The following MTUS2 variants were observed in gnomAD, a reference collection of about 807,000 sequenced individuals.
MTUS2 encodes the protein microtubule associated scaffold protein 2.
MTUS2 carries 40 observed loss-of-function variants against 114.1 expected under a neutral mutation model. The ratio of observed to expected loss-of-function variants is 0.35; its 90% CI spans 0.27 to 0.46. MTUS2 has a LOEUF of 0.46. Ranked by LOEUF, MTUS2 falls within the 20% of genes least tolerant of loss-of-function variation. The pLI, the probability that MTUS2 is intolerant of heterozygous loss-of-function variation, is 1.00. For synonymous variants in MTUS2, 688 were observed against 672.0 expected, an observed-to-expected ratio of 1.02 and a Z score of -0.37; for missense variants, 1,679 against 1,705.4, an observed-to-expected ratio of 0.98 and a Z score of 0.27.
intron 1 of MTUS2, among the ~76,000 whole-genome samples, chr13:28,826,232 C>G (rs530611479): frequency 1.3e-5 from 2 of 152,058 alleles, no homozygotes; most frequent in Admixed American, 1.3e-4. Flanking sequence ...ATGGTCATAT[C>G]ATCTGCTAAA....
chr13:28,908,938 A>C (rs968293387), intron 2 of MTUS2, among the ~76,000 whole-genome samples: 9 of 151,592 alleles, frequency 5.9e-5, no homozygotes, highest in African/African-American at 2.2e-4. Context: ...ACCATTTATT[A>C]AATAGGGAAT....
At chr13:29,140,496 C>A (rs1892173771) in intron 5 of MTUS2, among the ~76,000 whole-genome samples, 1 of 152,212 alleles carries the variant, frequency 6.6e-6, no homozygotes, top group African/African-American at 2.4e-5. Flanking sequence ...GTGCTAAATG[C>A]CGCAGTTATT....
chr13:28,968,618 A>G (rs1883709533), intron 2 of MTUS2, among the ~76,000 whole-genome samples: 1 of 152,206 alleles, frequency 6.6e-6, no homozygotes, highest in Non-Finnish European at 1.5e-5. Context: ...TTTGCTCAGT[A>G]ATTCAATCTT....
chr13:29,229,452 C>A (rs1258468832), intron 5 of MTUS2, among the ~76,000 whole-genome samples: 2 of 152,186 alleles, frequency 1.3e-5, no homozygotes, highest in Admixed American at 1.3e-4. Context: ...TTGACATTTT[C>A]ATGGAGCCAT....
intron 5 of MTUS2, among the ~76,000 whole-genome samples, chr13:29,253,532 G>A (rs1416797036): frequency 2.0e-5 from 3 of 152,078 alleles, no homozygotes; most frequent in Non-Finnish European, 4.4e-5. Flanking sequence ...CTCCAGCCCA[G>A]CGTCTGTCCT....
chr13:29,365,963 C>T (rs568540310), intron 8 of MTUS2, among the ~76,000 whole-genome samples: 1 of 152,324 alleles, frequency 6.6e-6, no homozygotes, highest in East Asian at 1.9e-4. Flanking sequence ...AACCTCTTCC[C>T]TGCGAGAGAT....
At chr13:29,367,711 C>T (rs1169256332) in intron 8 of MTUS2, among the ~76,000 whole-genome samples, 1 of 151,980 alleles carries the variant, frequency 6.6e-6, no homozygotes, top group Non-Finnish European at 1.5e-5. Context: ...AAGGATGAAC[C>T]CACCCCACCC....
intron 7 of MTUS2, among the ~76,000 whole-genome samples, chr13:29,329,697 T>C (rs1191164131): frequency 6.6e-6 from 1 of 150,722 alleles, no homozygotes; most frequent in African/African-American, 2.4e-5. Flanking sequence ...CACTGCAACC[T>C]GTGCCTCCTG....
intron 5 of MTUS2, among the ~76,000 whole-genome samples, chr13:29,130,394 C>G (rs947214528): frequency 1.3e-5 from 2 of 152,080 alleles, no homozygotes; most frequent in East Asian, 3.9e-4. Context: ...GCCCAGGCAC[C>G]GGGCTCACCC....
chr13:29,159,141 A>G lies in MTUS2; in HGVS notation c.2644+58171A>G, dbSNP rs150935146. ...GTATAATACTAGTTTTGTGTTTTAA[A>G]AAAGTTTATATATACATGTGTTATG... is the stretch of plus-strand genomic sequence containing the variant. On this transcript the variant is annotated intron_variant, in intron 5 of 15. Coordinates refer to ENST00000612955, the MANE Select transcript of MTUS2 (RefSeq NM_001033602.4). Among the ~76,000 whole-genome samples the G allele has an allele frequency of 2.7e-3, 416 of 152,362 alleles. 2 individuals carry two copies. The highest frequency in any genetic ancestry group is 9.5e-3 in the African/African-American group (395 of 41,584).
intron 2 of MTUS2, among the ~76,000 whole-genome samples, chr13:28,938,680 G>C (rs1370338100): frequency 6.6e-6 from 1 of 152,024 alleles, no homozygotes. Context: ...AAATAGAAGG[G>C]AACTTATTGG....
intron 5 of MTUS2, among the ~76,000 whole-genome samples, chr13:29,118,784 G>A (rs2138896390): frequency 6.6e-6 from 1 of 152,314 alleles, no homozygotes; most frequent in Non-Finnish European, 1.5e-5. Context: ...CTATAGGAGA[G>A]TGGGCATCTT....
At chr13:29,008,040 C>G (rs949031528) in intron 2 of MTUS2, among the ~76,000 whole-genome samples, 1 of 152,206 alleles carries the variant, frequency 6.6e-6, no homozygotes, top group Non-Finnish European at 1.5e-5. Context: ...ACATCCCCCC[C>G]ACTGGAGTTA....
intron 4 of MTUS2, among the ~76,000 whole-genome samples, chr13:29,079,482 A>G (rs1222985883): frequency 6.6e-6 from 1 of 152,194 alleles, no homozygotes; most frequent in African/African-American, 2.4e-5. Flanking sequence ...CTAAGAAACC[A>G]TTGGCTAATC....
chr13:29,289,112 G>A (rs1898604693), intron 6 of MTUS2, among the ~76,000 whole-genome samples: 1 of 152,176 alleles, frequency 6.6e-6, no homozygotes, highest in Admixed American at 6.5e-5. Context: ...TGGTTCAGGG[G>A]CACTGATGCT....
At chr13:29,282,629 C>A (rs1469499312) in intron 6 of MTUS2, among the ~76,000 whole-genome samples, 1 of 152,088 alleles carries the variant, frequency 6.6e-6, no homozygotes, top group African/African-American at 2.4e-5. Flanking sequence ...TTATAGAAGG[C>A]AAATTTATCA....
chr13:29,220,686 A>G (rs73449314), intron 5 of MTUS2, among the ~76,000 whole-genome samples: 3,686 of 152,322 alleles, frequency 0.024, 149 homozygotes, highest in African/African-American at 0.084. Flanking sequence ...CTGCAGTAAT[A>G]TCAAATGTCA....
chr13:29,131,664 A>G (rs949188462), intron 5 of MTUS2, among the ~76,000 whole-genome samples: 2 of 152,268 alleles, frequency 1.3e-5, no homozygotes, highest in African/African-American at 4.8e-5. Flanking sequence ...GCTGTGAAAG[A>G]TGAGAGGCTG....
intron 5 of MTUS2, among the ~76,000 whole-genome samples, chr13:29,104,083 A>G (rs761186421): frequency 4.6e-5 from 7 of 152,176 alleles, no homozygotes; most frequent in Non-Finnish European, 1.0e-4. Flanking sequence ...TGTTCCACAT[A>G]GAGTCCGCAT....
Sources: gnomAD v4.1 joint callset for allele counts (sites outside exome capture counted in the v4.1 genomes callset) on GRCh38, gnomAD v4.1.1 for gene constraint, MANE v1.5 for transcripts, NCBI Gene and HGNC (gene_info 2026-07-23, HGNC 2026-07-21) for gene names.